Variants in GOLPH3L observed in about 807,000 individuals in gnomAD.
The protein encoded by GOLPH3L is Golgi phosphoprotein 3-like.
Under a neutral mutation model 30.3 loss-of-function variants are expected in GOLPH3L, and 22 were observed. The ratio of observed to expected loss-of-function variants is 0.73; its 90% CI spans 0.52 to 1.04. The LOEUF is 1.04. GOLPH3L is among the 50% of genes least tolerant of loss of function. GOLPH3L has a pLI of 0.00. For synonymous variants in GOLPH3L, 120 were observed against 128.2 expected (o/e 0.94, Z 0.43); for missense variants, 303 against 345.8 (o/e 0.88, Z 0.98).
chr1:150,688,607 C>A (rs111774312), intron 2 of GOLPH3L, among the ~76,000 whole-genome samples: 1 of 151,782 alleles, frequency 6.6e-6, no homozygotes, highest in Non-Finnish European at 1.5e-5. Flanking sequence ...AAAAATTAGC[C>A]GGGGATGGTG....
intron 2 of GOLPH3L, among the ~76,000 whole-genome samples, chr1:150,677,313 G>A (rs587631218): frequency 2.0e-5 from 3 of 151,388 alleles, no homozygotes; most frequent in African/African-American, 7.3e-5. Flanking sequence ...CTTGGCTTAC[G>A]GCAACTTCTG....
rs942847295 is a variant in GOLPH3L at position 150,661,989 on chromosome 1, T to C, written c.316-61A>G. 4 of 802,190 alleles carry C rather than the reference T, an allele frequency of 5.0e-6. No individual in the cohort carries two copies. The African/African-American group carries it at 5.1e-5, about 10-fold the overall frequency. The allele number at this position is 802,190 out of a possible 1,614,324, so 49.7% of individuals were successfully genotyped here. A position where few individuals can be genotyped will look rare whatever the true frequency, so the allele number is the denominator to read the frequency against. ...TTCACTTCATTCAAGTTAAAATCTT[T>C]CAATATATCATGTATATGTTACTGG... On this transcript the variant is annotated intron_variant, in intron 3 of 4. Coordinates refer to ENST00000271732, the MANE Select transcript of GOLPH3L (RefSeq NM_018178.6).
chr1:150,662,496 T>C (rs948971573), intron 3 of GOLPH3L, among the ~76,000 whole-genome samples: 1 of 152,184 alleles, frequency 6.6e-6, no homozygotes, highest in East Asian at 1.9e-4. Flanking sequence ...GATAGCCAAG[T>C]TGAAATTTCT....
intron 3 of GOLPH3L, 108 bp from the exon 4 acceptor site, chr1:150,662,036 G>A (rs1398577285): frequency 1.5e-6 from 1 of 687,518 alleles, no homozygotes; most frequent in Non-Finnish European, 2.7e-6. Context: ...AAGAATGTAA[G>A]GAAGCATAAT....
intron 2 of GOLPH3L, among the ~76,000 whole-genome samples, chr1:150,665,743 A>C (rs1176191478): frequency 6.6e-6 from 1 of 152,092 alleles, no homozygotes; most frequent in Non-Finnish European, 1.5e-5. Flanking sequence ...TTAGATTTAC[A>C]CAGGTGCTTA....
intron 1 of GOLPH3L, 131 bp downstream of exon 1, chr1:150,696,861 T>C (rs954888578): frequency 1.3e-5 from 2 of 152,138 alleles, no homozygotes; most frequent in Non-Finnish European, 1.5e-5. Flanking sequence ...TTAAAAATCC[T>C]ACTTGAAAGA....
intron 2 of GOLPH3L, among the ~76,000 whole-genome samples, chr1:150,690,825 G>A (rs1295111794): frequency 1.3e-5 from 2 of 151,656 alleles, no homozygotes; most frequent in Admixed American, 6.6e-5. Flanking sequence ...ATTCTTCCCC[G>A]GATTACTCTA....
chr1:150,694,956 A>G (rs1651314855), intron 1 of GOLPH3L, 106 bp from the exon 2 acceptor site: 1 of 664,104 alleles, frequency 1.5e-6, no homozygotes, highest in Admixed American at 3.0e-5. Context: ...ATATTTACAG[A>G]TTTAAATATA....
intron 2 of GOLPH3L, among the ~76,000 whole-genome samples, chr1:150,667,513 AAC>A (rs1279838920): frequency 6.6e-6 from 1 of 152,122 alleles, no homozygotes; most frequent in African/African-American, 2.4e-5. Flanking sequence ...AGCCTTTGGG[AAC>A]ACAGCGAGAC....
chr1:150,652,380 CAAAAAAAAAAAAAAA>C (rs34446972), intron 4 of GOLPH3L, among the ~76,000 whole-genome samples: 3 of 40,192 alleles, frequency 7.5e-5, no homozygotes, highest in South Asian at 3.1e-3. Flanking sequence ...GACTCTGTCT[CAAAAAAAAAAAAAAA>C]AAAAAAAAAA....
chr1:150,685,464 C>T (rs1651058673), intron 2 of GOLPH3L, among the ~76,000 whole-genome samples: 3 of 152,152 alleles, frequency 2.0e-5, no homozygotes, highest in Admixed American at 6.6e-5. Context: ...CCTGTAATCC[C>T]AGCACTTTGG....
rs1392372778 is a variant in GOLPH3L at position 150,652,711 on chromosome 1, T to G, written c.431-3963A>C. ...AAAACAATATTTATATAATTGTTAT[T>G]GTTGAGTTATAATTTTTAACTTTTT... On this transcript the variant is annotated intron_variant, in intron 4 of 4. Coordinates refer to ENST00000271732, the MANE Select transcript of GOLPH3L (RefSeq NM_018178.6). 2.6e-5 allele frequency among the ~76,000 whole-genome samples: 4 copies of G among 152,114 alleles called. No individual in the cohort carries two copies. The East Asian group carries it at 7.7e-4, about 29-fold the overall frequency.
At chr1:150,691,173 G>A (rs1651202491) in intron 2 of GOLPH3L, among the ~76,000 whole-genome samples, 1 of 151,284 alleles carries the variant, frequency 6.6e-6, no homozygotes, top group Non-Finnish European at 1.5e-5. Context: ...GCAAGACTCC[G>A]TATCAAAAAT....
At chr1:150,691,515 TAAAAACAAAAAC>T (rs3059574) in intron 2 of GOLPH3L, among the ~76,000 whole-genome samples, 8 of 151,176 alleles carry the variant, frequency 5.3e-5, no homozygotes, top group East Asian at 2.0e-4. Flanking sequence ...GACTCTGTCT[TAAAAACAAAAAC>T]AAAAACAAAA....
At chr1:150,655,005 A>T (rs771524822) in intron 4 of GOLPH3L, among the ~76,000 whole-genome samples, 5 of 152,354 alleles carry the variant, frequency 3.3e-5, no homozygotes, top group Non-Finnish European at 5.9e-5. Context: ...AGGAGAGCGT[A>T]TAGCACAGCT....
At chr1:150,675,100 G>A (rs978769388) in intron 2 of GOLPH3L, among the ~76,000 whole-genome samples, 1 of 151,958 alleles carries the variant, frequency 6.6e-6, no homozygotes, top group African/African-American at 2.4e-5. Context: ...GGCTGGTGTT[G>A]AAGACCTGGC....
Position 150,694,865 on chromosome 1 carries a change from G to GGA in GOLPH3L, c.-12-16_-12-15insTC. 1 of 1,392,600 alleles carries GGA rather than the reference G, an allele frequency of 7.2e-7. No homozygotes were observed. The highest frequency in any genetic ancestry group is 9.7e-7 in the Non-Finnish European group (1 of 1,035,304). The allele number at this position is 1,392,600 out of a possible 1,614,324, so 86.3% of individuals were successfully genotyped here. On this transcript the variant is annotated splice_polypyrimidine_tract_variant and intron_variant, in intron 1 of 4. Transcript: ENST00000271732. ...CTCACCTGTTTCTGGAGGGAGTGGTGAAAAAAAAAATCCATATGTATGCTT... is the reference window on the plus strand; with the variant it reads ...CTCACCTGTTTCTGGAGGGAGTGGTGGAAAAAAAAAAATCCATATGTATGCTT...
intron 2 of GOLPH3L, among the ~76,000 whole-genome samples, chr1:150,680,002 CT>C (rs1347122964): frequency 3.9e-5 from 6 of 152,030 alleles, no homozygotes; most frequent in Non-Finnish European, 7.4e-5. Flanking sequence ...TTTTTATCGA[CT>C]CCTAATTCAG....
At chr1:150,654,310 C>T (rs1650191684) in intron 4 of GOLPH3L, among the ~76,000 whole-genome samples, 1 of 151,068 alleles carries the variant, frequency 6.6e-6, no homozygotes, top group African/African-American at 2.4e-5. Context: ...AGTTCAAGAC[C>T]AGCCTGGCCA....
Sources: gnomAD v4.1 joint callset for allele counts (sites outside exome capture counted in the v4.1 genomes callset) on GRCh38, gnomAD v4.1.1 for gene constraint, MANE v1.5 for transcripts, NCBI Gene and HGNC (gene_info 2026-07-23, HGNC 2026-07-21) for gene names.